ZCWPW2: variants seen among roughly 807,000 people sequenced by gnomAD.
ZCWPW2 encodes the protein zinc finger CW-type PWWP domain protein 2.
ZCWPW2 carries 45 observed loss-of-function variants against 46.6 expected under a neutral mutation model. The observed-to-expected ratio is 0.96, with a 90% CI of 0.76 to 1.24. The LOEUF is 1.24. Among genes scored for constraint, ZCWPW2 ranks in the 50% most tolerant of loss-of-function variants. ZCWPW2 has a pLI of 0.00. For missense variants in ZCWPW2, 429 were observed against 403.9 expected (o/e 1.06, Z -0.53); for synonymous variants, 152 against 137.1 (o/e 1.11, Z -0.76).
At chr3:28,501,469 G>T (rs1408068065) in intron 6 of ZCWPW2, among the ~76,000 whole-genome samples, 2 of 152,278 alleles carry the variant, frequency 1.3e-5, no homozygotes, top group South Asian at 4.1e-4. Context: ...GGAGCCTAGT[G>T]CAGGGGCACA....
intron 6 of ZCWPW2, chr3:28,511,008 T>G (rs1700411706): frequency 2.2e-6 from 1 of 453,670 alleles, no homozygotes; most frequent in Non-Finnish European, 4.4e-6. Flanking sequence ...ACTTGTAGCC[T>G]TTTCAGCTAT....
intron 4 of ZCWPW2, among the ~76,000 whole-genome samples, chr3:28,450,359 C>T (rs1698177266): frequency 1.3e-5 from 2 of 152,130 alleles, no homozygotes; most frequent in Admixed American, 1.3e-4. Flanking sequence ...TTTAACTGAG[C>T]ACAACGTTGA....
chr3:28,421,933 A>G (rs1214825326), intron 3 of ZCWPW2, among the ~76,000 whole-genome samples: 1 of 149,132 alleles, frequency 6.7e-6, no homozygotes, highest in East Asian at 2.0e-4. Context: ...TTGTTTTCTC[A>G]AAGTATCAAA....
At chr3:28,395,293 A>G (rs1695649242) in intron 2 of ZCWPW2, among the ~76,000 whole-genome samples, 1 of 152,126 alleles carries the variant, frequency 6.6e-6, no homozygotes, top group Admixed American at 6.5e-5. Flanking sequence ...ATCCTTTTGC[A>G]CTGTAATGTA....
chr3:28,403,772 C>CA (rs892375973), intron 2 of ZCWPW2, among the ~76,000 whole-genome samples: 64 of 151,294 alleles, frequency 4.2e-4, no homozygotes, highest in African/African-American at 9.9e-4. Flanking sequence ...TTTGACAAAG[C>CA]AAAAAAAACA....
At chr3:28,464,068 G>A (rs906218893) in intron 4 of ZCWPW2, among the ~76,000 whole-genome samples, 17 of 152,102 alleles carry the variant, frequency 1.1e-4, no homozygotes, top group African/African-American at 3.4e-4. Context: ...CCTATCTTGG[G>A]GAAAAGAAGA....
intron 1 of ZCWPW2, among the ~76,000 whole-genome samples, chr3:28,358,326 T>C (rs1704816774): frequency 6.6e-6 from 1 of 152,294 alleles, no homozygotes; most frequent in East Asian, 1.9e-4. Flanking sequence ...CCAGCTCTTA[T>C]AAATACTGCC....
intron 4 of ZCWPW2, among the ~76,000 whole-genome samples, chr3:28,465,571 G>T (rs997177393): frequency 1.3e-5 from 2 of 152,102 alleles, no homozygotes; most frequent in African/African-American, 4.8e-5. Flanking sequence ...GGTTGTTCAG[G>T]TGGGAAATTT....
intron 8 of ZCWPW2, among the ~76,000 whole-genome samples, chr3:28,518,135 C>CTAA (rs1700625257): frequency 1.3e-5 from 1 of 76,004 alleles, no homozygotes; most frequent in Non-Finnish European, 2.4e-5. Context: ...GACTCCGTCT[C>CTAA]AAAAAAAAAA....
chr3:28,429,352 T>G (rs995867308), intron 3 of ZCWPW2, among the ~76,000 whole-genome samples: 2 of 152,144 alleles, frequency 1.3e-5, no homozygotes, highest in Non-Finnish European at 2.9e-5. Flanking sequence ...ATTTAGGGTA[T>G]CTGGTGGAAG....
At chr3:28,442,613 T>G (rs1018333275) in intron 4 of ZCWPW2, among the ~76,000 whole-genome samples, 1 of 152,240 alleles carries the variant, frequency 6.6e-6, no homozygotes, top group Non-Finnish European at 1.5e-5. Context: ...GTGGGCCTTA[T>G]GGACAGGAAT....
chr3:28,488,561 C>T (rs1699686810), intron 5 of ZCWPW2, among the ~76,000 whole-genome samples: 1 of 152,088 alleles, frequency 6.6e-6, no homozygotes, highest in Non-Finnish European at 1.5e-5. Context: ...TAAGATAAAT[C>T]ATTGAATTAT....
rs1699326485 is a variant in ZCWPW2 at position 28,478,854 on chromosome 3, C to T, written c.533C>T (p.Ala178Val). The T allele has an allele frequency of 1.3e-6, 2 of 1,575,610 alleles. No homozygotes were observed. The highest frequency in any genetic ancestry group is 2.4e-5 in the South Asian group (2 of 82,270). The part of the protein sequence containing the change: ...CKNKKKWYKS[A>V]LQEACLLYGY... Reference sequence around the variant, plus strand: ...AATAAAAAGAAGTGGTATAAAAGTGCACTACAAGAAGCATGTCTACTCTAT... The same window carrying T: ...AATAAAAAGAAGTGGTATAAAAGTGTACTACAAGAAGCATGTCTACTCTAT... Residue 178 changes from alanine (A) to valine (V), a missense_variant, in exon 5 of 10, where the codon GCA becomes GTA. Ala to Val is a moderately conservative substitution (Grantham distance 64). Transcript: ENST00000383768.
intron 2 of ZCWPW2, among the ~76,000 whole-genome samples, chr3:28,398,600 C>T (rs750211669): frequency 2.0e-5 from 3 of 152,078 alleles, no homozygotes; most frequent in Non-Finnish European, 2.9e-5. Flanking sequence ...GGAAGACACC[C>T]CAAATACTGT....
rs143284603 is a variant in ZCWPW2, at chr3:28,472,659, T to C, written c.493-6155T>C. Among the ~76,000 whole-genome samples, 385 of 152,270 alleles carry C rather than the reference T, an allele frequency of 2.5e-3. 1 individual carries two copies. Among genetic ancestry groups the C allele is most frequent in the African/African-American group, 8.4e-3 (349 of 41,560 alleles). On this transcript the variant is annotated intron_variant, in intron 4 of 9. Transcript: ENST00000383768. ...GGGAAACTCACCAGGACATCAGTCT[T>C]GGCAAAAATTCCTTGAGTAATATAC...
At chr3:28,522,368 A>AT (rs1213639042) in intron 9 of ZCWPW2, among the ~76,000 whole-genome samples, 3 of 152,160 alleles carry the variant, frequency 2.0e-5, no homozygotes, top group Non-Finnish European at 4.4e-5. Flanking sequence ...GCTAGAGAGA[A>AT]TAAGTGCTTA....
At chr3:28,474,634 C>T (rs766422670) in intron 4 of ZCWPW2, among the ~76,000 whole-genome samples, 17 of 150,822 alleles carry the variant, frequency 1.1e-4, no homozygotes, top group Non-Finnish European at 2.1e-4. Flanking sequence ...CGCGCGCGCG[C>T]GCGCACATGC....
At chr3:28,451,844 A>ATAAAAAC (rs1224380764) in intron 4 of ZCWPW2, among the ~76,000 whole-genome samples, 1 of 152,208 alleles carries the variant, frequency 6.6e-6, no homozygotes. Flanking sequence ...ACGTTGGAAA[A>ATAAAAAC]TAAAAACTAA....
chr3:28,420,665 A>C (rs1696735284), intron 3 of ZCWPW2, among the ~76,000 whole-genome samples: 1 of 151,346 alleles, frequency 6.6e-6, no homozygotes, highest in Non-Finnish European at 1.5e-5. Context: ...TGATCTTTGT[A>C]AGGCCATGCT....
Sources: allele counts gnomAD v4.1 joint callset (sites outside exome capture counted in the v4.1 genomes callset), GRCh38; gene constraint gnomAD v4.1.1; transcripts MANE v1.5; gene names NCBI Gene and HGNC (gene_info 2026-07-23, HGNC 2026-07-21).